SIK2: variants seen among roughly 807,000 people sequenced by gnomAD.
The protein encoded by SIK2 is serine/threonine-protein kinase SIK2.
SIK2 carries 29 observed loss-of-function variants against 103.2 expected under a neutral mutation model. The ratio of observed to expected loss-of-function variants is 0.28; its 90% CI spans 0.21 to 0.38. The LOEUF is 0.38. SIK2 is among the 10% of genes least tolerant of loss of function. The pLI, the probability that SIK2 is intolerant of heterozygous loss-of-function variation, is 1.00. For synonymous variants in SIK2, 412 were observed against 446.1 expected, an observed-to-expected ratio of 0.92 and a Z score of 0.96; for missense variants, 879 against 1,171.0, an observed-to-expected ratio of 0.75 and a Z score of 3.64.
chr11:111,630,986 A>G (rs1262564693), intron 3 of SIK2, among the ~76,000 whole-genome samples: 1 of 152,152 alleles, frequency 6.6e-6, no homozygotes, highest in Admixed American at 6.6e-5. Flanking sequence ...CTAGAAAAGA[A>G]AAGAATGTAG....
At chr11:111,708,665 C>T (rs1219983433) in intron 8 of SIK2, among the ~76,000 whole-genome samples, 1 of 152,074 alleles carries the variant, frequency 6.6e-6, no homozygotes, top group Admixed American at 6.5e-5. Context: ...CTCACTTTAG[C>T]CTCAACCTCC....
At chr11:111,678,026 C>T (rs569423697) in intron 3 of SIK2, among the ~76,000 whole-genome samples, 12 of 152,302 alleles carry the variant, frequency 7.9e-5, no homozygotes, top group Non-Finnish European at 1.3e-4. Context: ...TAGAAATCCT[C>T]GCTTAGTTTG....
intron 3 of SIK2, among the ~76,000 whole-genome samples, chr11:111,684,403 T>G (rs1170174420): frequency 6.6e-6 from 1 of 152,120 alleles, no homozygotes; most frequent in Admixed American, 6.5e-5. Context: ...CAAAAATCTT[T>G]CCCACTAACC....
At chr11:111,659,348 G>T (rs1368496192) in intron 3 of SIK2, among the ~76,000 whole-genome samples, 2 of 152,106 alleles carry the variant, frequency 1.3e-5, no homozygotes, top group Non-Finnish European at 2.9e-5. Flanking sequence ...GGCTTGTTAA[G>T]TAGGAGAACA....
intron 9 of SIK2, among the ~76,000 whole-genome samples, chr11:111,717,317 CAAAAAAAAA>C (rs34473568): frequency 1.0e-4 from 5 of 49,466 alleles, no homozygotes; most frequent in African/African-American, 3.7e-4. Flanking sequence ...GACTCCGTCT[CAAAAAAAAA>C]AAAAAAAAAA....
intron 3 of SIK2, among the ~76,000 whole-genome samples, chr11:111,627,548 A>T (rs1337535905): frequency 6.6e-6 from 1 of 152,216 alleles, no homozygotes; most frequent in South Asian, 2.1e-4. Context: ...GTCTTAGAAC[A>T]CAGCCCCTGC....
chr11:111,696,575 G>A (rs566769443), intron 4 of SIK2, among the ~76,000 whole-genome samples: 3 of 152,292 alleles, frequency 2.0e-5, no homozygotes, highest in African/African-American at 4.8e-5. Flanking sequence ...ATCACAATTA[G>A]AGAAGACATT....
rs57150709 is a variant in SIK2, at chr11:111,640,423, G to A, written c.316+20021G>A. On this transcript the variant is annotated intron_variant, in intron 3 of 14. Coordinates refer to ENST00000304987, the MANE Select transcript of SIK2 (RefSeq NM_015191.3). ...GATTTGCTTTTCATTAAATATTGGG[G>A]GTTCTTAAAATGTAAATATCCAGCT... 6.6e-3 allele frequency among the ~76,000 whole-genome samples: 1,002 copies of A among 151,836 alleles called. 8 individuals are homozygous for A. Among genetic ancestry groups the A allele is most frequent in the Middle Eastern group, 0.055 (16 of 292 alleles).
chr11:111,637,456 C>CTTTT (rs558690499), intron 3 of SIK2, among the ~76,000 whole-genome samples: 18 of 124,706 alleles, frequency 1.4e-4, no homozygotes, highest in Non-Finnish European at 1.7e-4. Flanking sequence ...TTTGTAATAT[C>CTTTT]TTTTTTTTTT....
chr11:111,606,595 T>A (rs1292389692), intron 1 of SIK2, among the ~76,000 whole-genome samples: 1 of 152,174 alleles, frequency 6.6e-6, no homozygotes, highest in East Asian at 1.9e-4. Context: ...ATTCCCTTAT[T>A]AATGAATATT....
intron 2 of SIK2, among the ~76,000 whole-genome samples, chr11:111,618,124 C>G (rs988618249): frequency 3.9e-5 from 6 of 152,134 alleles, no homozygotes; most frequent in African/African-American, 1.4e-4. Flanking sequence ...TCTACCTCAG[C>G]ATTAGATTCT....
intron 4 of SIK2, among the ~76,000 whole-genome samples, 184 bp from the exon 5 acceptor site, chr11:111,700,702 T>C (rs1336600762): frequency 6.6e-6 from 1 of 152,214 alleles, no homozygotes; most frequent in Non-Finnish European, 1.5e-5. Flanking sequence ...GCAACATTCC[T>C]TGAGTACTAT....
chr11:111,711,520 A>G lies in SIK2; in HGVS notation c.1102-691A>G, dbSNP rs555522491. Among the ~76,000 whole-genome samples the G allele has an allele frequency of 3.9e-5, 6 of 152,366 alleles. No homozygotes were observed. The East Asian group carries it at 5.8e-4, about 15-fold the overall frequency. On this transcript the variant is annotated intron_variant, in intron 8 of 14. Transcript: ENST00000304987. ...GACTTCAAACCATCAGGAGCTTTCTATAGTGGGTTGACTTCAAAAACATAG... is the reference window on the plus strand; with the variant it reads ...GACTTCAAACCATCAGGAGCTTTCTGTAGTGGGTTGACTTCAAAAACATAG...
intron 3 of SIK2, among the ~76,000 whole-genome samples, chr11:111,633,019 A>G (rs919810361): frequency 6.6e-6 from 1 of 152,142 alleles, no homozygotes. Context: ...TACCAGATCT[A>G]ATGACCAAAT....
chr11:111,636,069 A>G (rs1942104363), intron 3 of SIK2, among the ~76,000 whole-genome samples: 1 of 152,256 alleles, frequency 6.6e-6, no homozygotes, highest in African/African-American at 2.4e-5. Flanking sequence ...TTAATTCAGA[A>G]AAAGCTAATT....
At chr11:111,632,513 T>C (rs922013075) in intron 3 of SIK2, among the ~76,000 whole-genome samples, 16 of 152,154 alleles carry the variant, frequency 1.1e-4, no homozygotes, top group African/African-American at 3.9e-4. Context: ...GTCCTGTACA[T>C]AAACTATGTC....
chr11:111,613,878 A>G lies in SIK2; in HGVS notation c.136-2365A>G, dbSNP rs186380805. Among the ~76,000 whole-genome samples, 32 of 152,288 alleles carry G rather than the reference A, an allele frequency of 2.1e-4. 1 individual carries two copies. The East Asian group carries it at 5.8e-3, about 28-fold the overall frequency. ...CAGAGTTCTACAATTAATTCAAATC[A>G]GGAAACAACCTGTGGACAGCAAGTT... is the stretch of plus-strand genomic sequence containing the variant. On this transcript the variant is annotated intron_variant, in intron 1 of 14. Coordinates refer to ENST00000304987, the MANE Select transcript of SIK2 (RefSeq NM_015191.3).
intron 1 of SIK2, among the ~76,000 whole-genome samples, chr11:111,609,841 A>G (rs1175916207): frequency 6.6e-6 from 1 of 152,214 alleles, no homozygotes; most frequent in Non-Finnish European, 1.5e-5. Flanking sequence ...AATTCCACCA[A>G]TGATTTGTTG....
intron 3 of SIK2, among the ~76,000 whole-genome samples, chr11:111,633,868 T>C (rs558732405): frequency 6.6e-6 from 1 of 152,314 alleles, no homozygotes; most frequent in African/African-American, 2.4e-5. Context: ...TAAGAGTCCT[T>C]GGGTTATTTA....
Sources: allele counts gnomAD v4.1 joint callset (sites outside exome capture counted in the v4.1 genomes callset), GRCh38; gene constraint gnomAD v4.1.1; transcripts MANE v1.5; gene names NCBI Gene and HGNC (gene_info 2026-07-23, HGNC 2026-07-21).